Variants in GRM7 observed in about 807,000 individuals in gnomAD.
GRM7 encodes the protein glutamate metabotropic receptor 7.
GRM7 carries 35 observed loss-of-function variants against 84.5 expected under a neutral mutation model. The observed-to-expected ratio is 0.41, with a 90% confidence interval of 0.32 to 0.55. The LOEUF (loss-of-function observed/expected upper bound fraction) is 0.55, where lower values mean the gene tolerates loss of function less well. Ranked by LOEUF, GRM7 falls within the 20% of genes least tolerant of loss-of-function variation. GRM7 has a pLI of 0.19. For synonymous variants in GRM7, 487 were observed against 455.1 expected (o/e 1.07, Z -0.89); for missense variants, 1,003 against 1,194.6 (o/e 0.84, Z 2.36).
At chr3:6,953,811 T>A (rs1692898113) in intron 1 of GRM7, among the ~76,000 whole-genome samples, 1 of 152,164 alleles carries the variant, frequency 6.6e-6, no homozygotes, top group South Asian at 2.1e-4. Context: ...TCTTTGGGAT[T>A]AGTAGACTGC....
intron 1 of GRM7, among the ~76,000 whole-genome samples, chr3:7,083,658 G>A (rs1215124362): frequency 6.6e-6 from 1 of 152,150 alleles, no homozygotes; most frequent in Non-Finnish European, 1.5e-5. Context: ...GTGAGATCCT[G>A]TTCCAGGTGC....
intron 1 of GRM7, among the ~76,000 whole-genome samples, chr3:7,011,331 A>G (rs1695361341): frequency 6.6e-6 from 1 of 152,122 alleles, no homozygotes; most frequent in South Asian, 2.1e-4. Context: ...AAAGAAAATA[A>G]CCTTTATTAC....
chr3:7,037,806 A>C (rs922579348), intron 1 of GRM7, among the ~76,000 whole-genome samples: 1 of 152,210 alleles, frequency 6.6e-6, no homozygotes, highest in Non-Finnish European at 1.5e-5. Context: ...TGTTCATAAA[A>C]TAAAAGGAAA....
At chr3:7,478,782 T>C (rs756960150) in intron 7 of GRM7, among the ~76,000 whole-genome samples, 1 of 152,186 alleles carries the variant, frequency 6.6e-6, no homozygotes, top group Non-Finnish European at 1.5e-5. Context: ...CTTGTGTACA[T>C]GACTAGTTAT....
rs540794106 is a variant in GRM7, at chr3:6,888,712, C to T, written c.519+26805C>T. Among the ~76,000 whole-genome samples the T allele has an allele frequency of 3.6e-3, 543 of 152,074 alleles. 5 individuals are homozygous for T. The highest frequency in any genetic ancestry group is 0.012 in the African/African-American group (506 of 41,464). On this transcript the variant is annotated intron_variant, in intron 1 of 9. Coordinates refer to ENST00000357716, the MANE Select transcript of GRM7 (RefSeq NM_000844.4). ...TTGGCTTAGGATTGACTTGGCGATG[C>T]GGGCTGTTTTTTGGTTCCATATGAA... is the stretch of plus-strand genomic sequence containing the variant.
chr3:6,892,880 C>T (rs946147880), intron 1 of GRM7: 1 of 152,002 alleles, frequency 6.6e-6, no homozygotes, highest in Admixed American at 6.6e-5. Context: ...CGATGCGAAA[C>T]CCGAACTCAA....
At chr3:7,197,353 C>T (rs975295295) in intron 2 of GRM7, among the ~76,000 whole-genome samples, 3 of 152,144 alleles carry the variant, frequency 2.0e-5, no homozygotes, top group Non-Finnish European at 2.9e-5. Flanking sequence ...TATTTAAAGA[C>T]ATCTTTTATC....
At chr3:7,235,714 C>G (rs939592486) in intron 2 of GRM7, among the ~76,000 whole-genome samples, 25 of 152,100 alleles carry the variant, frequency 1.6e-4, no homozygotes, top group Non-Finnish European at 3.5e-4. Context: ...TTTTGAGCTG[C>G]CTACATGGAT....
intron 4 of GRM7, among the ~76,000 whole-genome samples, chr3:7,371,299 T>C (rs1490363461): frequency 1.3e-5 from 2 of 152,164 alleles, no homozygotes; most frequent in African/African-American, 2.4e-5. Flanking sequence ...TAGCAGGCAG[T>C]TTGCAGACAG....
At chr3:7,060,547 G>A (rs1300995771) in intron 1 of GRM7, among the ~76,000 whole-genome samples, 2 of 151,738 alleles carry the variant, frequency 1.3e-5, no homozygotes, top group African/African-American at 4.8e-5. Flanking sequence ...GAAACACTGG[G>A]GAAGAGAGCT....
chr3:7,087,231 A>G (rs1698489367), intron 1 of GRM7, among the ~76,000 whole-genome samples: 1 of 152,150 alleles, frequency 6.6e-6, no homozygotes, highest in East Asian at 1.9e-4. Context: ...ATGTTCCTGG[A>G]ATATTAAACT....
At chr3:7,293,253 AAGC>A (rs1274608221) in intron 2 of GRM7, among the ~76,000 whole-genome samples, 1 of 152,106 alleles carries the variant, frequency 6.6e-6, no homozygotes, top group African/African-American at 2.4e-5. Flanking sequence ...TTTTATTGGA[AAGC>A]ATCTGTGGTG....
Position 7,358,751 on chromosome 3 carries a change from TG to T in GRM7, c.1033+52100del, listed in dbSNP as rs1693521249. Reference sequence around the variant, plus strand: ...TTGAATACATATTATTTTTTATAGGTGACTGCCCCTTTTCATAATTTATTTT... The same window carrying T: ...TTGAATACATATTATTTTTTATAGGTACTGCCCCTTTTCATAATTTATTTT... On this transcript the variant is annotated intron_variant, in intron 4 of 9. Coordinates refer to ENST00000357716, the MANE Select transcript of GRM7 (RefSeq NM_000844.4). Among the ~76,000 whole-genome samples the T allele has an allele frequency of 4.0e-5, 5 of 124,950 alleles. 1 individual carries two copies. The highest frequency in any genetic ancestry group is 6.9e-5 in the African/African-American group (2 of 28,844). The allele number at this position is 124,950 out of a possible 152,430, so 82.0% of individuals were successfully genotyped here. A position where few individuals can be genotyped will look rare whatever the true frequency, so the allele number is the denominator to read the frequency against.
At chr3:7,435,730 C>G (rs1419378320) in intron 5 of GRM7, among the ~76,000 whole-genome samples, 5 of 146,332 alleles carry the variant, frequency 3.4e-5, no homozygotes, top group Admixed American at 2.1e-4. Flanking sequence ...CTCTCTCCCC[C>G]AGGCTGGAGT....
intron 1 of GRM7, among the ~76,000 whole-genome samples, chr3:7,093,890 C>T (rs771971128): frequency 5.3e-5 from 8 of 152,044 alleles, no homozygotes; most frequent in Non-Finnish European, 1.2e-4. Context: ...TCGAGACTAA[C>T]AACCAGAGAA....
intron 7 of GRM7, among the ~76,000 whole-genome samples, chr3:7,464,827 CAAA>C (rs71307749): frequency 5.8e-5 from 5 of 85,792 alleles, no homozygotes; most frequent in Admixed American, 1.2e-4. Context: ...GACTCTGTCT[CAAA>C]AAAAAAAAAA....
chr3:7,673,910 T>C (rs1234092318), intron 8 of GRM7, among the ~76,000 whole-genome samples: 6 of 152,256 alleles, frequency 3.9e-5, no homozygotes, highest in African/African-American at 1.4e-4. Context: ...GAATTTGCAG[T>C]TTCAAAGCAA....
chr3:7,065,546 TATGTGCCTATTTTAATACAAGTACCAC>T (rs1257349270), intron 1 of GRM7, among the ~76,000 whole-genome samples: 1 of 151,994 alleles, frequency 6.6e-6, no homozygotes, highest in Non-Finnish European at 1.5e-5. Context: ...TCCATTGGTC[TATGTGCCTATTTTAATACAAGTACCAC>T]ACTGTTTTGG....
At chr3:7,259,880 A>G (rs959138915) in intron 2 of GRM7, among the ~76,000 whole-genome samples, 15 of 150,856 alleles carry the variant, frequency 9.9e-5, no homozygotes, top group African/African-American at 2.2e-4. Flanking sequence ...GCGTTCCACA[A>G]TGGTTGAACT....
Sources: gnomAD v4.1 joint callset for allele counts (sites outside exome capture counted in the v4.1 genomes callset) on GRCh38, gnomAD v4.1.1 for gene constraint, MANE v1.5 for transcripts, NCBI Gene and HGNC (gene_info 2026-07-23, HGNC 2026-07-21) for gene names.